Variants in CXCL13 observed in about 807,000 individuals in gnomAD.
The protein encoded by CXCL13 is C-X-C motif chemokine 13.
In CXCL13, 7 loss-of-function variants were observed where a neutral mutation model predicts 12.2. That is an observed-to-expected ratio of 0.57 (90% CI 0.33 to 1.07). The LOEUF (loss-of-function observed/expected upper bound fraction) is 1.07, where lower values mean the gene tolerates loss of function less well. Ranked by LOEUF, CXCL13 falls within the 50% of genes least tolerant of loss-of-function variation. CXCL13 has a pLI of 0.04. For missense variants in CXCL13, 113 were observed against 127.4 expected (o/e 0.89, Z 0.55); for synonymous variants, 47 against 42.4 (o/e 1.11, Z -0.42).
At chr4:77,578,775 T>G (rs1347295074) in intron 1 of CXCL13, among the ~76,000 whole-genome samples, 1 of 152,186 alleles carries the variant, frequency 6.6e-6, no homozygotes, top group East Asian at 1.9e-4. Context: ...TTAGCTGAAC[T>G]AAGGAGCAAA....
intron 1 of CXCL13, among the ~76,000 whole-genome samples, chr4:77,544,930 G>T (rs1725315248): frequency 6.6e-6 from 1 of 152,182 alleles, no homozygotes; most frequent in African/African-American, 2.4e-5. Context: ...TGTATAAGGG[G>T]TAAGGAAGGG....
intron 1 of CXCL13, among the ~76,000 whole-genome samples, chr4:77,552,786 A>T (rs115664754): frequency 0.033 from 5,027 of 152,336 alleles, 240 homozygotes; most frequent in African/African-American, 0.11. Context: ...GATCCAACAG[A>T]GTGCATGCTG....
At chr4:77,543,903 C>A (rs1196469181) in intron 1 of CXCL13, among the ~76,000 whole-genome samples, 1 of 152,124 alleles carries the variant, frequency 6.6e-6, no homozygotes, top group South Asian at 2.1e-4. Context: ...ACCACTCCCC[C>A]AACCCCATGA....
chr4:77,525,495 G>A (rs150244947), intron 1 of CXCL13, among the ~76,000 whole-genome samples: 11 of 152,260 alleles, frequency 7.2e-5, no homozygotes, highest in East Asian at 3.9e-4. Context: ...GTATACTTGT[G>A]TGGGTGGAAG....
chr4:77,567,711 T>C (rs1725972618), intron 1 of CXCL13, among the ~76,000 whole-genome samples: 2 of 152,126 alleles, frequency 1.3e-5, no homozygotes, highest in South Asian at 4.2e-4. Context: ...TATATTACCA[T>C]GCTAAAAGAC....
chr4:77,522,824 G>A (rs1196498455), intron 1 of CXCL13, among the ~76,000 whole-genome samples: 2 of 151,802 alleles, frequency 1.3e-5, no homozygotes, highest in Admixed American at 1.3e-4. Context: ...TTACTATTTG[G>A]CATGATTTGC....
At chr4:77,551,882 T>C (rs1057360714) in intron 1 of CXCL13, among the ~76,000 whole-genome samples, 6 of 152,226 alleles carry the variant, frequency 3.9e-5, no homozygotes, top group Admixed American at 2.6e-4. Context: ...AGTCTATTGC[T>C]AAAGCTTTCC....
intron 1 of CXCL13, among the ~76,000 whole-genome samples, chr4:77,588,509 T>C (rs1324711291): frequency 5.9e-5 from 9 of 152,234 alleles, no homozygotes; most frequent in Non-Finnish European, 1.3e-4. Context: ...TCACTGACAA[T>C]GCTTGGAGCC....
intron 1 of CXCL13, among the ~76,000 whole-genome samples, chr4:77,576,183 T>C (rs1279551314): frequency 3.3e-5 from 5 of 149,568 alleles, no homozygotes; most frequent in African/African-American, 1.3e-4. Context: ...AGAGCTGAAA[T>C]GTTTACAAAT....
chr4:77,589,368 T>C (rs1726553966), intron 1 of CXCL13, among the ~76,000 whole-genome samples: 1 of 152,182 alleles, frequency 6.6e-6, no homozygotes, highest in Admixed American at 6.5e-5. Flanking sequence ...TTCTTGGTTA[T>C]TAGAGCTACT....
At chr4:77,539,113 G>C (rs1725139982) in intron 1 of CXCL13, among the ~76,000 whole-genome samples, 1 of 150,542 alleles carries the variant, frequency 6.6e-6, no homozygotes, top group Non-Finnish European at 1.5e-5. Flanking sequence ...CGCCCAGGCT[G>C]GAGGGCAGTG....
At chr4:77,540,551 T>G (rs909852038) in intron 1 of CXCL13, among the ~76,000 whole-genome samples, 2 of 152,198 alleles carry the variant, frequency 1.3e-5, no homozygotes, top group Non-Finnish European at 2.9e-5. Context: ...GTTAATCTAC[T>G]TAGGATAATG....
chr4:77,611,614 G>T lies in CXCL13; in HGVS notation c.*575G>T, dbSNP rs1242145913. 1.0e-5 allele frequency: 4 copies of T among 397,818 alleles called. No homozygotes were observed. The highest frequency in any genetic ancestry group is 1.8e-5 in the Non-Finnish European group (4 of 225,646). 24.6% of individuals were successfully genotyped at this position (397,818 alleles called of 1,614,324 possible). A position where few individuals can be genotyped will look rare whatever the true frequency, so the allele number is the denominator to read the frequency against. On this transcript the variant is annotated 3_prime_UTR_variant, in exon 4 of 4. Transcript: ENST00000682537. ...TTACTGTCTAAGATTAATAGCATTCGAAGATCCCCAGACTTCATAGAATAC... is the reference window on the plus strand; with the variant it reads ...TTACTGTCTAAGATTAATAGCATTCTAAGATCCCCAGACTTCATAGAATAC...
intron 1 of CXCL13, among the ~76,000 whole-genome samples, chr4:77,530,316 T>C (rs1724877653): frequency 6.6e-6 from 1 of 152,230 alleles, no homozygotes; most frequent in Non-Finnish European, 1.5e-5. Flanking sequence ...GGATTCCCTC[T>C]TTTTCTATTG....
chr4:77,611,285 A>T lies in CXCL13; in HGVS notation c.*246A>T, dbSNP rs143273448. ...GAGGAAAGTTTCTTTGAAAATAGTTATTCAGTTATAAGTAATACAGGATTA... is the reference window on the plus strand; with the variant it reads ...GAGGAAAGTTTCTTTGAAAATAGTTTTTCAGTTATAAGTAATACAGGATTA... On this transcript the variant is annotated 3_prime_UTR_variant, in exon 4 of 4. Coordinates refer to ENST00000682537, the MANE Select transcript of CXCL13 (RefSeq NM_001371558.1). 232 of 421,466 alleles carry T rather than the reference A, an allele frequency of 5.5e-4. 4 individuals are homozygous for T. Among genetic ancestry groups the T allele is most frequent in the African/African-American group, 4.0e-3 (199 of 49,592 alleles). The allele number at this position is 421,466 out of a possible 1,614,324, so 26.1% of individuals were successfully genotyped here.
At chr4:77,581,214 A>G (rs1360323709) in intron 1 of CXCL13, among the ~76,000 whole-genome samples, 3 of 152,162 alleles carry the variant, frequency 2.0e-5, no homozygotes, top group Admixed American at 6.5e-5. Flanking sequence ...AAGCAGTTGA[A>G]TTGTACACTT....
At chr4:77,570,750 T>TTGCTGATCCTTGCTTTGTTCTTCAG (rs1560529310) in intron 1 of CXCL13, among the ~76,000 whole-genome samples, 40 of 150,278 alleles carry the variant, frequency 2.7e-4, no homozygotes, top group African/African-American at 9.7e-4. Flanking sequence ...GGTGGTCCTA[T>TTGCTGATCCTTGCTTTGTTCTTCAG]AGTCAGAGCG....
intron 1 of CXCL13, among the ~76,000 whole-genome samples, chr4:77,595,909 C>A (rs1429721733): frequency 6.6e-6 from 1 of 152,172 alleles, no homozygotes; most frequent in African/African-American, 2.4e-5. Flanking sequence ...TCCAAACAAG[C>A]ATGCTTGCAT....
chr4:77,601,038 G>T (rs577185602), upstream of CXCL13, among the ~76,000 whole-genome samples: 51 of 152,166 alleles, frequency 3.4e-4, 1 homozygote, highest in South Asian at 9.5e-3. Flanking sequence ...TTTCCTTCCC[G>T]CAAACTGTTT....
Sources: allele counts gnomAD v4.1 joint callset (sites outside exome capture counted in the v4.1 genomes callset), GRCh38; gene constraint gnomAD v4.1.1; transcripts MANE v1.5; gene names NCBI Gene and HGNC (gene_info 2026-07-23, HGNC 2026-07-21).